Variants in DPP6 observed in about 807,000 individuals in gnomAD.
DPP6 encodes the protein dipeptidyl peptidase like 6.
A neutral mutation model predicts 122.6 loss-of-function variants in DPP6; 69 were observed. The observed-to-expected ratio is 0.56, with a 90% confidence interval of 0.46 to 0.69. DPP6 has a LOEUF of 0.69. Among genes scored for constraint, DPP6 ranks in the 30% least tolerant of loss-of-function variants. The pLI is 0.00. For synonymous variants in DPP6, 418 were observed against 433.1 expected (o/e 0.97, Z 0.43); for missense variants, 928 against 1,116.9 (o/e 0.83, Z 2.41).
intron 1 of DPP6, among the ~76,000 whole-genome samples, chr7:154,196,867 A>C (rs538817695): frequency 2.0e-4 from 31 of 152,106 alleles, no homozygotes; most frequent in Non-Finnish European, 3.7e-4. Context: ...TCCCCATGGG[A>C]TACTCTCCTT....
chr7:154,678,740 C>G (rs1481953101), intron 7 of DPP6, among the ~76,000 whole-genome samples: 1 of 152,164 alleles, frequency 6.6e-6, no homozygotes, highest in Non-Finnish European at 1.5e-5. Flanking sequence ...TCATTAGTAA[C>G]AAAAGCTTTG....
At chr7:154,459,783 G>A (rs184800758) in intron 2 of DPP6, among the ~76,000 whole-genome samples, 1,972 of 137,600 alleles carry the variant, frequency 0.014, 13 homozygotes, top group Non-Finnish European at 0.024. Flanking sequence ...TCCAGCCTGG[G>A]TGACAGAGTG....
chr7:154,513,988 T>C (rs541255631), intron 3 of DPP6, among the ~76,000 whole-genome samples: 1 of 152,178 alleles, frequency 6.6e-6, no homozygotes, highest in Non-Finnish European at 1.5e-5. Context: ...TAAGAAGGGT[T>C]AGAGGGCTGG....
the DPP6 span, among the ~76,000 whole-genome samples, chr7:153,770,169 C>T: frequency 9.2e-5 from 14 of 152,014 alleles, no homozygotes; most frequent in Non-Finnish European, 1.5e-5. Context: ...CTTAATCTGC[C>T]GTGGGAAAGA....
chr7:154,148,744 A>G (rs1161301011), intron 1 of DPP6, among the ~76,000 whole-genome samples: 1 of 152,272 alleles, frequency 6.6e-6, no homozygotes, highest in African/African-American at 2.4e-5. Flanking sequence ...AGGAATTTAA[A>G]ATGCTTCCAA....
At chr7:154,500,359 C>T (rs1421166177) in intron 3 of DPP6, among the ~76,000 whole-genome samples, 2 of 152,060 alleles carry the variant, frequency 1.3e-5, no homozygotes, top group African/African-American at 2.4e-5. Context: ...AAATACATCC[C>T]AGTTGGCACC....
the DPP6 span, among the ~76,000 whole-genome samples, chr7:153,840,474 G>C: frequency 1.3e-5 from 2 of 149,108 alleles, no homozygotes; most frequent in African/African-American, 4.9e-5. Context: ...TTTTCTGAGA[G>C]CAGAATAAAG....
chr7:154,644,111 T>C (rs1836292264), intron 6 of DPP6, among the ~76,000 whole-genome samples: 2 of 152,160 alleles, frequency 1.3e-5, no homozygotes, highest in African/African-American at 4.8e-5. Context: ...CCCAGTAGTA[T>C]TGGTCTTTAC....
At chr7:153,962,679 C>T (rs1284310749) in intron 1 of DPP6, among the ~76,000 whole-genome samples, 1 of 152,150 alleles carries the variant, frequency 6.6e-6, no homozygotes, top group African/African-American at 2.4e-5. Flanking sequence ...ACATTATTTG[C>T]TCCTCCAAAT....
intron 1 of DPP6, among the ~76,000 whole-genome samples, chr7:154,248,553 T>C (rs1045199282): frequency 6.6e-6 from 1 of 152,188 alleles, no homozygotes; most frequent in Non-Finnish European, 1.5e-5. Flanking sequence ...CACCAAATGA[T>C]CATGTATGTT....
At chr7:154,505,784 A>G (rs1423679567) in intron 3 of DPP6, among the ~76,000 whole-genome samples, 1 of 152,188 alleles carries the variant, frequency 6.6e-6, no homozygotes, top group African/African-American at 2.4e-5. Context: ...TCACCTGGCT[A>G]AAGTCGTACT....
chr7:154,359,700 T>A (rs777170907), intron 1 of DPP6, among the ~76,000 whole-genome samples: 2 of 152,118 alleles, frequency 1.3e-5, no homozygotes, highest in Non-Finnish European at 2.9e-5. Context: ...AATGAACTCG[T>A]GAATAAATGA....
chr7:153,909,546 C>T (rs1045070920), intron 1 of DPP6, among the ~76,000 whole-genome samples: 1 of 152,270 alleles, frequency 6.6e-6, no homozygotes, highest in East Asian at 1.9e-4. Context: ...ATTTTTAACT[C>T]CTCCTCATTT....
intron 2 of DPP6, among the ~76,000 whole-genome samples, chr7:154,460,767 AC>A: frequency 1.3e-5 from 2 of 152,318 alleles, no homozygotes; most frequent in South Asian, 4.1e-4. Context: ...ACATTTTGAT[AC>A]AGGCATGCAT....
At chr7:154,424,515 A>G (rs949749948) in intron 1 of DPP6, among the ~76,000 whole-genome samples, 3 of 152,108 alleles carry the variant, frequency 2.0e-5, no homozygotes, top group African/African-American at 7.2e-5. Flanking sequence ...CTAATATCAT[A>G]TTACTTGACA....
At chr7:154,405,441 A>G (rs554122760) in intron 1 of DPP6, among the ~76,000 whole-genome samples, 186 of 126,986 alleles carry the variant, frequency 1.5e-3, no homozygotes, top group African/African-American at 5.3e-3. Context: ...TTGTTACTAT[A>G]AAAGTATTAC....
At chr7:154,364,570 G>A (rs1368370096) in intron 1 of DPP6, among the ~76,000 whole-genome samples, 2 of 152,210 alleles carry the variant, frequency 1.3e-5, no homozygotes, top group African/African-American at 2.4e-5. Flanking sequence ...TTGCATTCTG[G>A]AAGAGTCCCA....
At chr7:154,067,993 C>T (rs1280133326) in intron 1 of DPP6, among the ~76,000 whole-genome samples, 5 of 150,580 alleles carry the variant, frequency 3.3e-5, no homozygotes, top group Admixed American at 1.3e-4. Flanking sequence ...AACTCCTGGG[C>T]TCAAGCAGTC....
chr7:154,058,805 G>A (rs902583356), intron 1 of DPP6: 4 of 149,726 alleles, frequency 2.7e-5, no homozygotes, highest in South Asian at 2.1e-4. Flanking sequence ...CACCCCCCAC[G>A]ACAGTGGGGA....
Sources: gnomAD v4.1 joint callset for allele counts (sites outside exome capture counted in the v4.1 genomes callset) on GRCh38, gnomAD v4.1.1 for gene constraint, MANE v1.5 for transcripts, NCBI Gene and HGNC (gene_info 2026-07-23, HGNC 2026-07-21) for gene names.